SCN10A: variants seen among roughly 807,000 people sequenced by gnomAD.
SCN10A encodes sodium voltage-gated channel alpha subunit 10.
A neutral mutation model predicts 170.7 loss-of-function variants in SCN10A; 162 were observed. That is an observed-to-expected ratio of 0.95 (90% CI 0.84 to 1.08). The LOEUF (loss-of-function observed/expected upper bound fraction) is 1.08. Among genes scored for constraint, SCN10A ranks in the 50% least tolerant of loss-of-function variants. The pLI is 0.00. For synonymous variants in SCN10A, 985 were observed against 904.6 expected (o/e 1.09, Z -1.59); for missense variants, 2,527 against 2,436.9 (o/e 1.04, Z -0.78).
chr3:38,744,139 A>G (rs2063662210), intron 13 of SCN10A, among the ~76,000 whole-genome samples: 1 of 152,196 alleles, frequency 6.6e-6, no homozygotes, highest in African/African-American at 2.4e-5. Context: ...ATGTAGAAAA[A>G]TATGTATGTG....
intron 11 of SCN10A, among the ~76,000 whole-genome samples, chr3:38,754,246 A>C (rs1423772595): frequency 6.6e-6 from 1 of 152,204 alleles, no homozygotes; most frequent in African/African-American, 2.4e-5. Flanking sequence ...TCTGATACCT[A>C]TCCAGCCCCA....
rs115278916 is a variant in SCN10A, at chr3:38,787,325, C to T, written c.470+1631G>A. ...TTTAAAAACTATTTTCTGTTTGTTG[C>T]TAGTGTCTATACACAATTGATTTAT... On this transcript the variant is annotated intron_variant, in intron 4 of 27. Coordinates refer to ENST00000449082, the MANE Select transcript of SCN10A (RefSeq NM_006514.4). 4.4e-3 allele frequency among the ~76,000 whole-genome samples: 677 copies of T among 152,146 alleles called. 6 individuals carry two copies. Among genetic ancestry groups the T allele is most frequent in the African/African-American group, 0.015 (621 of 41,538 alleles).
intron 1 of SCN10A, among the ~76,000 whole-genome samples, chr3:38,812,118 A>T (rs990210140): frequency 2.6e-5 from 4 of 152,218 alleles, no homozygotes; most frequent in Non-Finnish European, 5.9e-5. Flanking sequence ...CAGCGCTTTT[A>T]AAAAATGTGA....
chr3:38,723,547 C>T lies in SCN10A; in HGVS notation c.3235G>A (p.Asp1079Asn), dbSNP rs1224342410. The T allele has an allele frequency of 6.3e-7, 1 of 1,591,270 alleles. No individual in the cohort carries two copies. The highest frequency in any genetic ancestry group is 2.3e-5 in the East Asian group (1 of 43,742). ...SVPQVPAEGV[D>N]DTSSSEGSTV... is the part of the protein sequence containing the mutation. ...CTGCCCTCAGAGGAGCTTGTGTCGT[C>T]CACTCCCTGCAGGGGAGAAGCCCAG... Residue 1079 changes from aspartate to asparagine, a missense_variant, in exon 19 of 28, where the codon GAC becomes AAC. By Grantham distance (23) the Asp-to-Asn change is conservative. Coordinates refer to ENST00000449082, the MANE Select transcript of SCN10A (RefSeq NM_006514.4).
In SCN10A at chr3:38,726,693, A is replaced by T. The variant is rs778351672; in HGVS notation, c.3000T>A (p.Ala1000=). ...NPTVWVSVPI[A]EGESDLDDLE... ...AGTCATCAAGATCAGATTCACCCTCAGCAATGGGCACAGAGACCCACACAG... is the reference window on the plus strand; with the variant it reads ...AGTCATCAAGATCAGATTCACCCTCTGCAATGGGCACAGAGACCCACACAG... Residue 1000 remains alanine, a synonymous_variant, in exon 17 of 28, where the codon GCT becomes GCA. Coordinates refer to ENST00000449082, the MANE Select transcript of SCN10A (RefSeq NM_006514.4). 24 of 1,612,130 alleles carry T rather than the reference A, an allele frequency of 1.5e-5. No homozygotes were observed. The highest frequency in any genetic ancestry group is 2.0e-5 in the Non-Finnish European group (24 of 1,178,578).
chr3:38,771,569 C>G (rs2064000992), intron 4 of SCN10A, among the ~76,000 whole-genome samples, 162 bp from the exon 5 acceptor site: 1 of 152,074 alleles, frequency 6.6e-6, no homozygotes, highest in South Asian at 2.1e-4. Context: ...GGAGAGGAAA[C>G]AAGACACAGA....
intron 4 of SCN10A, among the ~76,000 whole-genome samples, chr3:38,781,093 G>A (rs1005872327): frequency 1.3e-5 from 2 of 152,160 alleles, no homozygotes; most frequent in African/African-American, 4.8e-5. Context: ...TTAAAAAATC[G>A]TCATTTTGAA....
At chr3:38,786,363 C>A (rs1310598357) in intron 4 of SCN10A, among the ~76,000 whole-genome samples, 3 of 151,930 alleles carry the variant, frequency 2.0e-5, no homozygotes, top group Non-Finnish European at 2.9e-5. Context: ...TCATTCTCAG[C>A]AAACTGACAT....
intron 1 of SCN10A, among the ~76,000 whole-genome samples, chr3:38,809,856 G>A (rs979522833): frequency 2.0e-5 from 3 of 152,160 alleles, no homozygotes; most frequent in Admixed American, 6.5e-5. Context: ...TTCCAACCAT[G>A]GAATTTTAAG....
rs375588154 is a variant in SCN10A at position 38,756,633 on chromosome 3, A to T, written c.1290+41T>A. 98 of 1,524,834 alleles carry T rather than the reference A, an allele frequency of 6.4e-5. No individual in the cohort carries two copies. The African/African-American group carries it at 1.2e-3, about 19-fold the overall frequency. The allele number at this position is 1,524,834 out of a possible 1,614,324, so 94.5% of individuals were successfully genotyped here. ...TCCAGAACAGTATCCAAGAATGGAC[A>T]GTCTGCAACCTTCTTCACAAAGCTT... On this transcript the variant is annotated intron_variant, in intron 10 of 27. Transcript: ENST00000449082.
At chr3:38,765,138 G>T (rs2063917706) in intron 5 of SCN10A, among the ~76,000 whole-genome samples, 2 of 152,068 alleles carry the variant, frequency 1.3e-5, no homozygotes, top group Admixed American at 6.5e-5. Context: ...AGATAACAAA[G>T]ATTTTTCTCT....
At chr3:38,767,411 T>C (rs999324111) in intron 5 of SCN10A, among the ~76,000 whole-genome samples, 9 of 152,022 alleles carry the variant, frequency 5.9e-5, no homozygotes, top group African/African-American at 1.9e-4. Context: ...GCTTTAGCTG[T>C]ATCCCAGAGG....
At chr3:38,717,900 A>C (rs2063349172) in intron 21 of SCN10A, among the ~76,000 whole-genome samples, 1 of 152,238 alleles carries the variant, frequency 6.6e-6, no homozygotes, top group Non-Finnish European at 1.5e-5. Context: ...GTGGTGGTTA[A>C]GATGAGGAAG....
intron 5 of SCN10A, 55 bp from the exon 6 acceptor site, chr3:38,763,651 T>A (rs1314135305): frequency 1.5e-6 from 2 of 1,311,226 alleles, no homozygotes; most frequent in African/African-American, 2.9e-5. Context: ...TGGGGATGCA[T>A]GCAGCATAAA....
At chr3:38,769,178 A>G (rs2063969154) in intron 5 of SCN10A, among the ~76,000 whole-genome samples, 1 of 150,470 alleles carries the variant, frequency 6.6e-6, no homozygotes, top group Non-Finnish European at 1.5e-5. Flanking sequence ...AATTTCTTTA[A>G]GTTGGTTTTT....
At position 38,707,198 on chromosome 3, in the gene SCN10A, C is replaced by G. The variant is rs562417776; in HGVS notation, c.4386+81G>C. ...TTCTCTTCCATAAACAGCACTCCCT[C>G]AGGCCCCTGCCTGACACAGGCATAG... On this transcript the variant is annotated intron_variant, in intron 26 of 27. Transcript: ENST00000449082. The G allele has an allele frequency of 1.6e-3, 2,294 of 1,460,964 alleles. 18 individuals are homozygous for G. Among genetic ancestry groups the G allele is most frequent in the Middle Eastern group, 0.012 (49 of 4,024 alleles). The allele number at this position is 1,460,964 out of a possible 1,614,324, so 90.5% of individuals were successfully genotyped here.
intron 22 of SCN10A, among the ~76,000 whole-genome samples, chr3:38,712,768 G>C (rs962695259): frequency 3.3e-5 from 5 of 152,142 alleles, no homozygotes; most frequent in African/African-American, 1.2e-4. Context: ...CTAGAACCTT[G>C]ACTTATTCTC....
intron 5 of SCN10A, among the ~76,000 whole-genome samples, chr3:38,768,264 G>A (rs1282160991): frequency 1.3e-5 from 2 of 151,752 alleles, no homozygotes; most frequent in Non-Finnish European, 2.9e-5. Context: ...GAGATGTGAG[G>A]TACTCTTCTA....
rs1212534938 is a variant in SCN10A, at chr3:38,756,758, C to T, written c.1206G>A (p.Glu402=). The change falls in exon 10 of 28, where the codon GAG becomes GAA. Residue 402 remains glutamate (E), a synonymous_variant. Transcript: ENST00000449082. ...TTTCATCAGTGGTTGCCTGGTTCTG[C>T]TCCTCATACGCCATGGTGACTACAG... ...ILAVVTMAYE[E]QNQATTDEIE... The T allele has an allele frequency of 2.5e-6, 4 of 1,614,186 alleles. No homozygotes were observed. The highest frequency in any genetic ancestry group is 1.7e-5 in the Admixed American group (1 of 60,028).
Sources: gnomAD v4.1 joint callset for allele counts (sites outside exome capture counted in the v4.1 genomes callset) on GRCh38, gnomAD v4.1.1 for gene constraint, MANE v1.5 for transcripts, NCBI Gene and HGNC (gene_info 2026-07-23, HGNC 2026-07-21) for gene names.